The following DLGAP4 variants were observed in gnomAD, a reference collection of about 807,000 sequenced individuals.
DLGAP4 encodes disks large-associated protein 4.
A neutral mutation model predicts 86.9 loss-of-function variants in DLGAP4; 18 were observed. The ratio of observed to expected loss-of-function variants is 0.21; its 90% CI spans 0.14 to 0.31. The LOEUF (loss-of-function observed/expected upper bound fraction) is 0.31. Ranked by LOEUF, DLGAP4 falls within the 10% of genes least tolerant of loss-of-function variation. The probability of loss-of-function intolerance (pLI) is 1.00; values close to 1 mark genes in which losing one functional copy is unlikely to be tolerated. For synonymous variants in DLGAP4, 548 were observed against 574.3 expected (o/e 0.95, Z 0.65); for missense variants, 1,085 against 1,362.6 (o/e 0.80, Z 3.21).
At chr20:36,470,634 A>G (rs1273412580) in intron 7 of DLGAP4, among the ~76,000 whole-genome samples, 1 of 151,810 alleles carries the variant, frequency 6.6e-6, no homozygotes, top group Non-Finnish European at 1.5e-5. Context: ...ACACCTAATC[A>G]CTGTGACGAG....
At chr20:36,505,369 GC>G (rs1466164013) in intron 10 of DLGAP4, among the ~76,000 whole-genome samples, 1 of 152,066 alleles carries the variant, frequency 6.6e-6, no homozygotes, top group East Asian at 1.9e-4. Flanking sequence ...TAAATTATGA[GC>G]ATATATTAAT....
chr20:36,525,837 C>T lies in DLGAP4; in HGVS notation c.2605-14C>T, dbSNP rs1319527064. ...CTGCTGAGCTGGCCCCACTGATCCCCATCTGGCCCACAGAACCCTGATGCC... is the reference window on the plus strand; with the variant it reads ...CTGCTGAGCTGGCCCCACTGATCCCTATCTGGCCCACAGAACCCTGATGCC... On this transcript the variant is annotated splice_polypyrimidine_tract_variant and intron_variant, in intron 11 of 12. Transcript: ENST00000339266. 1.2e-6 allele frequency: 2 copies of T among 1,612,076 alleles called. No homozygotes were observed. Among genetic ancestry groups the T allele is most frequent in the Non-Finnish European group, 1.7e-6 (2 of 1,179,890 alleles).
intron 1 of DLGAP4, among the ~76,000 whole-genome samples, chr20:36,317,809 G>A (rs1319315227): frequency 2.0e-5 from 3 of 151,920 alleles, no homozygotes; most frequent in African/African-American, 7.3e-5. Context: ...GCTGGGTGCT[G>A]CACATAGCTG....
chr20:36,419,953 C>T (rs2032774854), intron 2 of DLGAP4, among the ~76,000 whole-genome samples: 1 of 152,188 alleles, frequency 6.6e-6, no homozygotes, highest in South Asian at 2.1e-4. Flanking sequence ...TGGAGGCTGG[C>T]TGCCATGGTG....
At chr20:36,323,963 A>G (rs912496731) in intron 1 of DLGAP4, among the ~76,000 whole-genome samples, 17 of 152,356 alleles carry the variant, frequency 1.1e-4, no homozygotes, top group African/African-American at 3.4e-4. Context: ...GTACAGGTCC[A>G]TGGCCCAGGA....
intron 1 of DLGAP4, among the ~76,000 whole-genome samples, chr20:36,351,259 C>T (rs1050742430): frequency 1.4e-4 from 22 of 152,182 alleles, no homozygotes; most frequent in Non-Finnish European, 2.9e-4. Flanking sequence ...AGACCCCCTA[C>T]AAGAGGGGTC....
chr20:36,416,980 G>A (rs184568172), intron 2 of DLGAP4, among the ~76,000 whole-genome samples: 5 of 152,276 alleles, frequency 3.3e-5, no homozygotes, highest in South Asian at 2.1e-4. Flanking sequence ...CTTAGCACCA[G>A]GGATAGAGTG....
chr20:36,391,208 C>G (rs1341089739), intron 2 of DLGAP4, among the ~76,000 whole-genome samples: 1 of 152,130 alleles, frequency 6.6e-6, no homozygotes, highest in Admixed American at 6.5e-5. Flanking sequence ...GACCTATAGC[C>G]GTGGGAGATA....
intron 2 of DLGAP4, among the ~76,000 whole-genome samples, chr20:36,425,637 A>G (rs1335497031): frequency 1.3e-5 from 2 of 152,076 alleles, no homozygotes; most frequent in South Asian, 2.1e-4. Context: ...GCCTGGCCAA[A>G]TGGTGAAACC....
chr20:36,442,438 C>T (rs949684882), intron 5 of DLGAP4, among the ~76,000 whole-genome samples: 5 of 152,204 alleles, frequency 3.3e-5, no homozygotes, highest in Admixed American at 3.3e-4. Context: ...AAGTGATCCA[C>T]CCGCCTCGAC....
At chr20:36,525,747 G>A (rs574459559) in intron 11 of DLGAP4, 104 bp from the exon 12 acceptor site, 94 of 1,506,340 alleles carry the variant, frequency 6.2e-5, no homozygotes, top group South Asian at 4.4e-4. Flanking sequence ...AAGAGCCCCC[G>A]CGGGTGCTGG....
In DLGAP4 at chr20:36,514,294, A is replaced by G. The variant is rs137919543; in HGVS notation, c.2513-9956A>G. 3.4e-3 allele frequency among the ~76,000 whole-genome samples: 523 copies of G among 152,220 alleles called. 2 individuals carry two copies. The highest frequency in any genetic ancestry group is 5.4e-3 in the Non-Finnish European group (365 of 68,008). ...AGCATGGGTAAGGTAGCCTGAGAGG[A>G]GGAGGATTAAGAGAAGAGAAAACAG... On this transcript the variant is annotated intron_variant, in intron 10 of 12. Transcript: ENST00000339266.
At chr20:36,495,198 T>C (rs2035838012) in intron 7 of DLGAP4, among the ~76,000 whole-genome samples, 1 of 152,170 alleles carries the variant, frequency 6.6e-6, no homozygotes, top group Non-Finnish European at 1.5e-5. Flanking sequence ...GTATTTTCCA[T>C]GACAGTAGTA....
chr20:36,373,456 A>T (rs984316461), intron 2 of DLGAP4, among the ~76,000 whole-genome samples: 19 of 152,152 alleles, frequency 1.2e-4, no homozygotes, highest in African/African-American at 4.6e-4. Flanking sequence ...AATTTGTGGG[A>T]TGTGCCCACC....
intron 6 of DLGAP4, among the ~76,000 whole-genome samples, 178 bp from the exon 7 acceptor site, chr20:36,446,519 C>T (rs1458875416): frequency 6.6e-6 from 1 of 152,146 alleles, no homozygotes; most frequent in Non-Finnish European, 1.5e-5. Context: ...AGAGGTAGGA[C>T]TGTTTCTTTC....
At chr20:36,409,903 G>A (rs1453779477) in intron 2 of DLGAP4, among the ~76,000 whole-genome samples, 5 of 146,636 alleles carry the variant, frequency 3.4e-5, no homozygotes, top group Admixed American at 6.8e-5. Context: ...GTATGGTGGC[G>A]GGCGCCTATA....
chr20:36,508,037 A>C (rs1394751408), intron 10 of DLGAP4: 1 of 152,252 alleles, frequency 6.6e-6, no homozygotes, highest in Non-Finnish European at 1.5e-5. Context: ...CTGAGGCTGC[A>C]TCCTTTTCTG....
chr20:36,486,819 C>G (rs1228628230), intron 7 of DLGAP4, among the ~76,000 whole-genome samples: 1 of 151,718 alleles, frequency 6.6e-6, no homozygotes, highest in Admixed American at 6.6e-5. Context: ...ACCATGTTGG[C>G]CAGGCTGGTC....
intron 5 of DLGAP4, among the ~76,000 whole-genome samples, chr20:36,441,615 G>A (rs1417160041): frequency 6.6e-6 from 1 of 152,192 alleles, no homozygotes; most frequent in Non-Finnish European, 1.5e-5. Context: ...CTGGCACAGT[G>A]CCTGGCACAG....
Sources: allele counts gnomAD v4.1 joint callset (sites outside exome capture counted in the v4.1 genomes callset), GRCh38; gene constraint gnomAD v4.1.1; transcripts MANE v1.5; gene names NCBI Gene and HGNC (gene_info 2026-07-23, HGNC 2026-07-21).